Variants in ALG14 observed in about 807,000 individuals in gnomAD.
ALG14 encodes UDP-N-acetylglucosamine transferase subunit ALG14.
Under a neutral mutation model 22.8 loss-of-function variants are expected in ALG14, and 17 were observed. The ratio of observed to expected loss-of-function variants is 0.75; its 90% confidence interval spans 0.51 to 1.12. The LOEUF (loss-of-function observed/expected upper bound fraction) is 1.12, where lower values mean the gene tolerates loss of function less well. ALG14 is among the 50% of genes most tolerant of loss of function. The pLI, the probability that ALG14 is intolerant of heterozygous loss-of-function variation, is 0.00. For missense variants in ALG14, 288 were observed against 271.8 expected (o/e 1.06, Z -0.42); for synonymous variants, 89 against 103.7 (o/e 0.86, Z 0.86).
intron 3 of ALG14, among the ~76,000 whole-genome samples, chr1:94,991,901 G>A (rs566018058): frequency 2.0e-5 from 3 of 150,760 alleles, no homozygotes; most frequent in African/African-American, 4.9e-5. Flanking sequence ...AGACACAGAC[G>A]CACACATTAC....
At chr1:95,069,525 G>A (rs776008185) in intron 1 of ALG14, among the ~76,000 whole-genome samples, 1 of 152,158 alleles carries the variant, frequency 6.6e-6, no homozygotes, top group Non-Finnish European at 1.5e-5. Flanking sequence ...TTTGTGTTGA[G>A]ATGTTATACA....
intron 2 of ALG14, among the ~76,000 whole-genome samples, chr1:95,059,079 GT>G (rs1675041526): frequency 6.6e-6 from 1 of 151,842 alleles, no homozygotes; most frequent in Non-Finnish European, 1.5e-5. Flanking sequence ...AATCTTTCTT[GT>G]TTTAACATTG....
intron 3 of ALG14, among the ~76,000 whole-genome samples, chr1:94,999,901 C>T (rs989487502): frequency 3.3e-5 from 5 of 152,178 alleles, no homozygotes; most frequent in Admixed American, 1.3e-4. Flanking sequence ...CCCTGCCTGG[C>T]GCAGGCCATC....
chr1:95,003,577 G>A (rs780624951), intron 3 of ALG14, among the ~76,000 whole-genome samples: 14 of 151,614 alleles, frequency 9.2e-5, no homozygotes, highest in Non-Finnish European at 1.8e-4. Flanking sequence ...CACCTCCTGA[G>A]TAGCTGAGAC....
intron 1 of ALG14, among the ~76,000 whole-genome samples, chr1:95,066,582 T>A (rs1016538408): frequency 2.6e-5 from 4 of 152,196 alleles, no homozygotes; most frequent in Non-Finnish European, 4.4e-5. Context: ...GAAGGAATTA[T>A]ATATAGAAAC....
intron 2 of ALG14, chr1:95,062,125 G>C (rs573925475): frequency 6.6e-6 from 1 of 152,104 alleles, no homozygotes; most frequent in Non-Finnish European, 1.5e-5. Context: ...ATCAATAAAC[G>C]TAACACATTG....
chr1:95,021,379 A>C (rs1414831726), intron 3 of ALG14, among the ~76,000 whole-genome samples: 1 of 152,118 alleles, frequency 6.6e-6, no homozygotes, highest in Admixed American at 6.5e-5. Context: ...ACTTCCCATG[A>C]CGCTTCCCTA....
chr1:95,032,457 G>A (rs970704980), intron 2 of ALG14, among the ~76,000 whole-genome samples: 1 of 152,160 alleles, frequency 6.6e-6, no homozygotes, highest in Non-Finnish European at 1.5e-5. Context: ...AACCCCAAAG[G>A]TTGGGGAAAC....
chr1:94,995,025 G>T (rs1488874287), intron 3 of ALG14, among the ~76,000 whole-genome samples: 1 of 152,142 alleles, frequency 6.6e-6, no homozygotes. Context: ...TTCAATCATG[G>T]CACTCTCTTA....
chr1:95,021,916 T>C (rs1673675154), intron 3 of ALG14, among the ~76,000 whole-genome samples: 3 of 152,224 alleles, frequency 2.0e-5, no homozygotes, highest in Admixed American at 1.3e-4. Flanking sequence ...CTCACAGCTA[T>C]CCTTGGGAAA....
At chr1:95,018,711 C>T (rs1673577282) in intron 3 of ALG14, among the ~76,000 whole-genome samples, 1 of 152,092 alleles carries the variant, frequency 6.6e-6, no homozygotes, top group Admixed American at 6.5e-5. Context: ...AACCTCCAGC[C>T]CCTCCCAATT....
At position 95,056,736 on chromosome 1, in the gene ALG14, ATTCC is replaced by A. The variant is rs1175423738; in HGVS notation, c.288+8126_288+8129del. ...GTCCTAAGGGAAAATATAAATTTGG[ATTCC>A]TAAAGGAAAATATAAACATTAAAAT... On this transcript the variant is annotated intron_variant, in intron 2 of 3. Transcript: ENST00000370205. 3.1e-3 allele frequency among the ~76,000 whole-genome samples: 477 copies of A among 152,050 alleles called. 20 individuals are homozygous for A. In the East Asian group the frequency reaches 0.09, roughly 29 times the overall value.
At chr1:95,056,447 C>T (rs922360081) in intron 2 of ALG14, among the ~76,000 whole-genome samples, 2 of 151,556 alleles carry the variant, frequency 1.3e-5, no homozygotes, top group Non-Finnish European at 2.9e-5. Flanking sequence ...GAGTTCGAGA[C>T]CAGCCTGGGC....
Position 94,979,635 on chromosome 1 carries a change from G to C in ALG14, c.*3441C>G, listed in dbSNP as rs2100704172. On this transcript the variant is annotated 3_prime_UTR_variant, in exon 4 of 4. Coordinates refer to ENST00000370205, the MANE Select transcript of ALG14 (RefSeq NM_144988.4). ...TTCTGGGGATAATGAAACAAAAAAG[G>C]CAACCAATTATAATTGGGTAAAGAA... 6.6e-6 allele frequency: 1 copy of C among 152,240 alleles called. No individual in the cohort carries two copies. Among genetic ancestry groups the C allele is most frequent in the Non-Finnish European group, 1.5e-5 (1 of 68,008 alleles). The allele number at this position is 152,240 out of a possible 1,614,324, so 9.4% of individuals were successfully genotyped here.
intron 3 of ALG14, among the ~76,000 whole-genome samples, chr1:95,021,055 T>C (rs924419839): frequency 6.6e-6 from 1 of 152,204 alleles, no homozygotes; most frequent in Non-Finnish European, 1.5e-5. Flanking sequence ...AGAAACATGT[T>C]ATCAAAAAAA....
intron 3 of ALG14, among the ~76,000 whole-genome samples, chr1:95,026,200 G>C (rs985536996): frequency 3.3e-5 from 5 of 152,078 alleles, no homozygotes; most frequent in African/African-American, 1.2e-4. Flanking sequence ...CCAAAGGGCT[G>C]GGATTACAGG....
At position 94,976,991 on chromosome 1, in the gene ALG14, C is replaced by G. The variant is rs184953112; in HGVS notation, c.*6085G>C. On this transcript the variant is annotated 3_prime_UTR_variant, in exon 4 of 4. Transcript: ENST00000370205. The stretch of plus-strand genomic sequence containing the variant: ...TCTGCCAACAACCATCTGAAGGTAT[C>G]TGAAAAGGATTCAGAGTTGCAGATC... 5 of 152,358 alleles carry G rather than the reference C, an allele frequency of 3.3e-5. No homozygotes were observed. The highest frequency in any genetic ancestry group is 2.9e-5 in the Non-Finnish European group (2 of 68,040). The allele number at this position is 152,358 out of a possible 1,614,324, so 9.4% of individuals were successfully genotyped here.
At chr1:95,009,172 G>C (rs1673297398) in intron 3 of ALG14, among the ~76,000 whole-genome samples, 2 of 151,490 alleles carry the variant, frequency 1.3e-5, no homozygotes, top group South Asian at 2.1e-4. Context: ...ATGCCTAGGA[G>C]TAAATTTGCT....
At chr1:95,019,718 C>T (rs1347121738) in intron 3 of ALG14, among the ~76,000 whole-genome samples, 1 of 152,122 alleles carries the variant, frequency 6.6e-6, no homozygotes, top group Non-Finnish European at 1.5e-5. Flanking sequence ...CAGTGGCTCA[C>T]GCTTGTAATC....
Sources: allele counts gnomAD v4.1 joint callset (sites outside exome capture counted in the v4.1 genomes callset), GRCh38; gene constraint gnomAD v4.1.1; transcripts MANE v1.5; gene names NCBI Gene and HGNC (gene_info 2026-07-23, HGNC 2026-07-21).